The following PLD5 variants were observed in gnomAD, a reference collection of about 807,000 sequenced individuals.
PLD5 encodes the protein phospholipase D family member 5, also known as inactive phospholipase D5.
Under a neutral mutation model 61.1 loss-of-function variants are expected in PLD5, and 36 were observed. That is an observed-to-expected ratio of 0.59 (90% CI 0.45 to 0.78). The LOEUF (loss-of-function observed/expected upper bound fraction) is 0.78, where lower values mean the gene tolerates loss of function less well. PLD5 is among the 30% of genes least tolerant of loss of function. PLD5 has a pLI of 0.00. For missense variants in PLD5, 515 were observed against 644.4 expected (o/e 0.80, Z 2.17); for synonymous variants, 243 against 242.8 (o/e 1.00, Z -0.01).
intron 1 of PLD5, among the ~76,000 whole-genome samples, chr1:242,407,362 C>T (rs1415720256): frequency 6.6e-6 from 1 of 152,092 alleles, no homozygotes; most frequent in Non-Finnish European, 1.5e-5. Context: ...TGGACTAATA[C>T]ATATATCAAT....
intron 2 of PLD5, among the ~76,000 whole-genome samples, chr1:242,342,236 C>G (rs1416674575): frequency 6.6e-6 from 1 of 152,132 alleles, no homozygotes; most frequent in African/African-American, 2.4e-5. Flanking sequence ...AATAGTGTCT[C>G]TAATAAGTGG....
intron 1 of PLD5, among the ~76,000 whole-genome samples, chr1:242,422,422 G>C (rs978891835): frequency 2.0e-5 from 3 of 152,112 alleles, no homozygotes; most frequent in Non-Finnish European, 4.4e-5. Flanking sequence ...TAGAAAAAGT[G>C]GATAATGCAT....
At chr1:242,453,035 C>T (rs189398910) in intron 1 of PLD5, among the ~76,000 whole-genome samples, 7 of 152,318 alleles carry the variant, frequency 4.6e-5, no homozygotes, top group Non-Finnish European at 1.0e-4. Context: ...ACAAATTTCA[C>T]GATTGTCAGA....
intron 1 of PLD5, among the ~76,000 whole-genome samples, chr1:242,404,813 A>G (rs1223293675): frequency 6.9e-6 from 1 of 145,946 alleles, no homozygotes; most frequent in Non-Finnish European, 1.5e-5. Context: ...CTTCCATCAG[A>G]CCTTTATCTG....
chr1:242,416,897 A>C (rs1664861071), intron 1 of PLD5, among the ~76,000 whole-genome samples: 1 of 152,250 alleles, frequency 6.6e-6, no homozygotes, highest in Admixed American at 6.5e-5. Flanking sequence ...TCTTTCATCC[A>C]TTCAGTAAAC....
chr1:242,393,061 G>A (rs1336495061), intron 1 of PLD5, among the ~76,000 whole-genome samples: 1 of 150,948 alleles, frequency 6.6e-6, no homozygotes, highest in Non-Finnish European at 1.5e-5. Context: ...AAAATTAGCT[G>A]GGTGTGGGGA....
At chr1:242,095,611 A>G (rs1660165307) in intron 9 of PLD5, among the ~76,000 whole-genome samples, 2 of 152,292 alleles carry the variant, frequency 1.3e-5, no homozygotes, top group South Asian at 4.1e-4. Context: ...TTAATTTTTA[A>G]GCCCTCATCT....
At chr1:242,284,524 G>A (rs1674911310) in intron 3 of PLD5, among the ~76,000 whole-genome samples, 1 of 152,168 alleles carries the variant, frequency 6.6e-6, no homozygotes, top group Non-Finnish European at 1.5e-5. Context: ...TACCGCTCTA[G>A]GGGTTGAGAG....
chr1:242,357,516 G>C (rs187952982), intron 1 of PLD5, among the ~76,000 whole-genome samples: 2,513 of 136,328 alleles, frequency 0.018, 31 homozygotes, highest in East Asian at 0.036. Flanking sequence ...ACGGAATTTT[G>C]CTCTTGTTGC....
At chr1:242,297,008 C>G (rs975125153) in intron 2 of PLD5, among the ~76,000 whole-genome samples, 1 of 152,186 alleles carries the variant, frequency 6.6e-6, no homozygotes, top group African/African-American at 2.4e-5. Flanking sequence ...CTACTCTGCT[C>G]TGACCATTCT....
At chr1:242,308,498 CAT>C (rs1558450651) in intron 2 of PLD5, among the ~76,000 whole-genome samples, 2 of 152,036 alleles carry the variant, frequency 1.3e-5, no homozygotes, top group South Asian at 2.1e-4. Context: ...TTTTAAAACT[CAT>C]AAAATTATTT....
chr1:242,183,846 G>C (rs1574470734), intron 5 of PLD5, among the ~76,000 whole-genome samples: 2 of 152,288 alleles, frequency 1.3e-5, no homozygotes, highest in South Asian at 4.1e-4. Context: ...AGTGAGCAGA[G>C]ATCGCGCCAC....
At chr1:242,335,367 C>T (rs998034452) in intron 2 of PLD5, among the ~76,000 whole-genome samples, 3 of 152,172 alleles carry the variant, frequency 2.0e-5, no homozygotes, top group Admixed American at 2.0e-4. Flanking sequence ...GCTGTCATAA[C>T]ACCAAATAAT....
In PLD5 at chr1:242,174,482, T is replaced by A. The variant is rs554594665; in HGVS notation, c.735+45506A>T. Among the ~76,000 whole-genome samples, 326 of 151,892 alleles carry A rather than the reference T, an allele frequency of 2.1e-3. 1 individual carries two copies. Among genetic ancestry groups the A allele is most frequent in the African/African-American group, 7.5e-3 (313 of 41,490 alleles). ...TAAACTAGTTCAACCATTGTGGAAG[T>A]CAGTGTGGCGATTCCTCAGGGATCT... is the stretch of plus-strand genomic sequence containing the variant. On this transcript the variant is annotated intron_variant, in intron 5 of 9. Transcript: ENST00000536534.
intron 2 of PLD5, among the ~76,000 whole-genome samples, chr1:242,292,625 A>G (rs1675433743): frequency 6.6e-6 from 1 of 152,138 alleles, no homozygotes; most frequent in South Asian, 2.1e-4. Context: ...CTACATCTTT[A>G]TTTTCCCTAG....
At chr1:242,378,893 G>A (rs1476119801) in intron 1 of PLD5, among the ~76,000 whole-genome samples, 1 of 151,866 alleles carries the variant, frequency 6.6e-6, no homozygotes, top group African/African-American at 2.4e-5. Context: ...GAAGAAAAAA[G>A]GAAAACAACC....
At chr1:242,095,884 A>T (rs1162863685) in intron 9 of PLD5, among the ~76,000 whole-genome samples, 3 of 152,238 alleles carry the variant, frequency 2.0e-5, no homozygotes, top group African/African-American at 2.4e-5. Context: ...AAGTTGGTGC[A>T]CATGAGAAAA....
intron 5 of PLD5, among the ~76,000 whole-genome samples, chr1:242,165,588 G>A (rs1312144260): frequency 6.6e-6 from 1 of 152,138 alleles, no homozygotes; most frequent in African/African-American, 2.4e-5. Context: ...TGACTGATAG[G>A]TGTGATTAAG....
chr1:242,167,447 T>A (rs1362620973), intron 5 of PLD5, among the ~76,000 whole-genome samples: 1 of 152,162 alleles, frequency 6.6e-6, no homozygotes, highest in South Asian at 2.1e-4. Context: ...TTCATTATCA[T>A]GAGAACAGCA....
Sources: gnomAD v4.1 joint callset for allele counts (sites outside exome capture counted in the v4.1 genomes callset) on GRCh38, gnomAD v4.1.1 for gene constraint, MANE v1.5 for transcripts, NCBI Gene and HGNC (gene_info 2026-07-23, HGNC 2026-07-21) for gene names.